LRMDA: variants seen among roughly 807,000 people sequenced by gnomAD.
LRMDA encodes leucine rich melanocyte differentiation associated.
In LRMDA, 18 loss-of-function variants were observed where a neutral mutation model predicts 29.8. The ratio of observed to expected loss-of-function variants is 0.60; its 90% confidence interval spans 0.42 to 0.90. The LOEUF (loss-of-function observed/expected upper bound fraction) is 0.90. LRMDA is among the 40% of genes least tolerant of loss of function. The probability of loss-of-function intolerance (pLI) is 0.00; values close to 1 mark genes in which losing one functional copy is unlikely to be tolerated. For synonymous variants in LRMDA, 125 were observed against 109.4 expected, an observed-to-expected ratio of 1.14 and a Z score of -0.89; for missense variants, 273 against 273.9, an observed-to-expected ratio of 1.00 and a Z score of 0.02.
chr10:76,202,770 G>A (rs1851456616), intron 5 of LRMDA, among the ~76,000 whole-genome samples: 1 of 151,908 alleles, frequency 6.6e-6, no homozygotes, highest in African/African-American at 2.4e-5. Context: ...TCTGGAGGAA[G>A]GAGCGGACAC....
chr10:75,878,474 C>T (rs550894816), intron 2 of LRMDA, among the ~76,000 whole-genome samples: 1 of 151,730 alleles, frequency 6.6e-6, no homozygotes, highest in Non-Finnish European at 1.5e-5. Context: ...CTGAATTCTG[C>T]GTCATCCCGC....
At chr10:75,656,878 C>CT (rs774549986) in intron 2 of LRMDA, among the ~76,000 whole-genome samples, 2 of 152,152 alleles carry the variant, frequency 1.3e-5, no homozygotes, top group Non-Finnish European at 2.9e-5. Flanking sequence ...GTTGACAACT[C>CT]TAAGTGCAAG....
chr10:76,267,102 T>G (rs1482348598), intron 5 of LRMDA, among the ~76,000 whole-genome samples: 1 of 152,284 alleles, frequency 6.6e-6, no homozygotes, highest in East Asian at 1.9e-4. Context: ...GATGCCATGA[T>G]AAAGAATGGC....
intron 4 of LRMDA, among the ~76,000 whole-genome samples, 156 bp from the exon 5 acceptor site, chr10:76,058,509 CA>C (rs1353332524): frequency 9.2e-5 from 14 of 152,188 alleles, no homozygotes; most frequent in Admixed American, 9.2e-4. Context: ...CTCCAAGGAA[CA>C]GTTGTTTATT....
At chr10:75,499,082 G>T (rs1439245756) in intron 2 of LRMDA, among the ~76,000 whole-genome samples, 1 of 152,044 alleles carries the variant, frequency 6.6e-6, no homozygotes, top group Non-Finnish European at 1.5e-5. Context: ...TGAGGTGATG[G>T]AGACAGCCTG....
intron 6 of LRMDA, among the ~76,000 whole-genome samples, chr10:76,376,903 T>G (rs1301295459): frequency 8.5e-6 from 1 of 118,322 alleles, no homozygotes; most frequent in Non-Finnish European, 1.7e-5. Context: ...TTTTTTTTTT[T>G]GAGACGTAGT....
intron 6 of LRMDA, among the ~76,000 whole-genome samples, chr10:76,386,568 C>T (rs1841662324): frequency 6.6e-6 from 1 of 152,048 alleles, no homozygotes. Context: ...GGAACATGTT[C>T]TTAACACCTA....
chr10:75,563,050 G>A (rs1840320155), intron 2 of LRMDA, among the ~76,000 whole-genome samples: 1 of 152,096 alleles, frequency 6.6e-6, no homozygotes, highest in South Asian at 2.1e-4. Flanking sequence ...GGTGGTCTCT[G>A]TATTTCTTGA....
intron 5 of LRMDA, among the ~76,000 whole-genome samples, chr10:76,134,291 C>T (rs764300090): frequency 2.0e-5 from 3 of 152,238 alleles, no homozygotes; most frequent in South Asian, 2.1e-4. Context: ...TGAGACTTGG[C>T]GGTGATATTC....
intron 2 of LRMDA, among the ~76,000 whole-genome samples, chr10:75,700,995 A>C (rs1227998723): frequency 2.0e-5 from 3 of 152,234 alleles, no homozygotes; most frequent in African/African-American, 7.2e-5. Flanking sequence ...ACTTAATGGC[A>C]AACTTGTTGG....
At chr10:75,831,203 G>A (rs1247946085) in intron 2 of LRMDA, among the ~76,000 whole-genome samples, 5 of 152,024 alleles carry the variant, frequency 3.3e-5, no homozygotes, top group Admixed American at 1.3e-4. Context: ...CTGCCATCAC[G>A]CCAGGCTAAT....
At chr10:75,989,415 C>T (rs1255809288) in intron 2 of LRMDA, among the ~76,000 whole-genome samples, 1 of 152,138 alleles carries the variant, frequency 6.6e-6, no homozygotes, top group East Asian at 1.9e-4. Flanking sequence ...GGGGAGGTGC[C>T]ACACATGTTT....
chr10:76,516,341 A>T (rs1413489740), intron 6 of LRMDA, among the ~76,000 whole-genome samples: 3 of 130,140 alleles, frequency 2.3e-5, no homozygotes, highest in African/African-American at 7.7e-5. Context: ...GTTTTTTTTA[A>T]AATTATTTTA....
At chr10:76,551,943 G>C (rs1485984641) in intron 6 of LRMDA, among the ~76,000 whole-genome samples, 3 of 152,072 alleles carry the variant, frequency 2.0e-5, no homozygotes, top group Non-Finnish European at 2.9e-5. Context: ...AGTTCTGTGG[G>C]GGAACCCTTC....
At chr10:75,966,781 AC>A (rs1846868147) in intron 2 of LRMDA, among the ~76,000 whole-genome samples, 1 of 152,138 alleles carries the variant, frequency 6.6e-6, no homozygotes, top group Non-Finnish European at 1.5e-5. Context: ...TGGTTTTGTG[AC>A]CTTGGGCAAA....
At chr10:76,184,355 A>T (rs1443395803) in intron 5 of LRMDA, among the ~76,000 whole-genome samples, 2 of 152,078 alleles carry the variant, frequency 1.3e-5, no homozygotes, top group African/African-American at 4.8e-5. Context: ...TTTTAATGTT[A>T]TGTCTATTCT....
chr10:76,333,508 C>T (rs1451086120), intron 6 of LRMDA, among the ~76,000 whole-genome samples: 1 of 152,128 alleles, frequency 6.6e-6, no homozygotes, highest in Non-Finnish European at 1.5e-5. Flanking sequence ...ATGGGGAAGA[C>T]AGCTGGGGCC....
chr10:76,357,594 G>T (rs1448902859), intron 6 of LRMDA, among the ~76,000 whole-genome samples: 1 of 152,116 alleles, frequency 6.6e-6, no homozygotes, highest in Non-Finnish European at 1.5e-5. Flanking sequence ...TGTTCTCTTG[G>T]GTAGTTAAGC....
chr10:75,944,123 G>A (rs1846439549), intron 2 of LRMDA, among the ~76,000 whole-genome samples: 1 of 151,822 alleles, frequency 6.6e-6, no homozygotes, highest in Admixed American at 6.6e-5. Context: ...TTCTGTTTTT[G>A]TCCATCCAAA....
Sources: gnomAD v4.1 joint callset for allele counts (sites outside exome capture counted in the v4.1 genomes callset) on GRCh38, gnomAD v4.1.1 for gene constraint, MANE v1.5 for transcripts, NCBI Gene and HGNC (gene_info 2026-07-23, HGNC 2026-07-21) for gene names.